The following OSBPL10 variants were observed in gnomAD, a reference collection of about 807,000 sequenced individuals.
The protein encoded by OSBPL10 is oxysterol binding protein like 10.
Under a neutral mutation model 81.7 loss-of-function variants are expected in OSBPL10, and 49 were observed. The observed-to-expected ratio is 0.60, with a 90% CI of 0.48 to 0.76. The LOEUF is 0.76. Ranked by LOEUF, OSBPL10 falls within the 30% of genes least tolerant of loss-of-function variation. OSBPL10 has a pLI of 0.00. For missense variants in OSBPL10, 923 were observed against 987.8 expected (o/e 0.93, Z 0.88); for synonymous variants, 419 against 383.6 (o/e 1.09, Z -1.08).
intron 2 of OSBPL10, among the ~76,000 whole-genome samples, chr3:31,998,119 T>C (rs2125528962): frequency 6.6e-6 from 1 of 152,288 alleles, no homozygotes; most frequent in South Asian, 2.1e-4. Flanking sequence ...AAAAATAAGA[T>C]GACAGCACCC....
At chr3:31,763,917 T>C (rs569657038) in intron 4 of OSBPL10, among the ~76,000 whole-genome samples, 54 of 152,340 alleles carry the variant, frequency 3.5e-4, no homozygotes, top group African/African-American at 1.1e-3. Flanking sequence ...AAAATTATGT[T>C]AAGGAATAAG....
intron 1 of OSBPL10, among the ~76,000 whole-genome samples, chr3:32,054,779 C>G (rs9859824): frequency 6.6e-6 from 1 of 152,084 alleles, no homozygotes; most frequent in Admixed American, 6.6e-5. Context: ...GATCCACCTG[C>G]CTCAGCCTCC....
intron 2 of OSBPL10, among the ~76,000 whole-genome samples, chr3:32,004,115 CTT>C (rs1219572417): frequency 6.6e-6 from 1 of 152,172 alleles, no homozygotes; most frequent in Admixed American, 6.5e-5. Flanking sequence ...CTAGTTTTAA[CTT>C]ATATTATTTT....
chr3:31,869,374 TTTCA>T (rs1172772997), intron 3 of OSBPL10, among the ~76,000 whole-genome samples: 3 of 152,276 alleles, frequency 2.0e-5, no homozygotes, highest in African/African-American at 4.8e-5. Context: ...AGAAGACACT[TTTCA>T]TTCAAAGTTT....
At chr3:32,041,036 C>A (rs1233951180) in intron 2 of OSBPL10, among the ~76,000 whole-genome samples, 1 of 152,112 alleles carries the variant, frequency 6.6e-6, no homozygotes, top group Non-Finnish European at 1.5e-5. Context: ...TTGCTTGAAT[C>A]AATGGCCTAG....
intron 4 of OSBPL10, among the ~76,000 whole-genome samples, chr3:31,806,316 C>G (rs1219985186): frequency 6.6e-6 from 1 of 152,236 alleles, no homozygotes; most frequent in Non-Finnish European, 1.5e-5. Context: ...CATTTTCCTA[C>G]TTGACCAACA....
rs138240925 is a variant in OSBPL10, at chr3:31,882,669, G to GCA, written c.282-2841_282-2840dup. 6.9e-3 allele frequency among the ~76,000 whole-genome samples: 1,032 copies of GCA among 150,464 alleles called. 6 individuals carry two copies. The highest frequency in any genetic ancestry group is 9.7e-3 in the Non-Finnish European group (653 of 67,464). On this transcript the variant is annotated intron_variant, in intron 1 of 11. Coordinates refer to ENST00000396556, the MANE Select transcript of OSBPL10 (RefSeq NM_017784.5). ...AATGTGAGCAGAAGTGTGCACACAC[G>GCA]CACACACACACACACACGCACTGGA...
intron 1 of OSBPL10, among the ~76,000 whole-genome samples, chr3:31,980,488 G>C (rs1367468719): frequency 6.6e-6 from 1 of 152,190 alleles, no homozygotes; most frequent in Admixed American, 6.5e-5. Flanking sequence ...CGGAGCGGAC[G>C]TGCTAACGCT....
intron 2 of OSBPL10, among the ~76,000 whole-genome samples, chr3:32,043,345 T>C (rs761959336): frequency 6.6e-6 from 1 of 152,218 alleles, no homozygotes; most frequent in Non-Finnish European, 1.5e-5. Context: ...CCTTGTTCCC[T>C]GAAAATCGCT....
chr3:31,663,475 A>C, intron 11 of OSBPL10: 5 of 991,248 alleles, frequency 5.0e-6, no homozygotes, highest in Non-Finnish European at 6.0e-6. Flanking sequence ...TCAAGAGCAT[A>C]AGGGCTTCAG....
intron 6 of OSBPL10, among the ~76,000 whole-genome samples, chr3:31,715,449 C>T (rs1054721846): frequency 7.9e-5 from 12 of 152,202 alleles, no homozygotes; most frequent in African/African-American, 2.9e-4. Context: ...GGAGCAATCC[C>T]TCCCTCCTCT....
At chr3:31,844,434 A>G (rs1031764121) in intron 3 of OSBPL10, among the ~76,000 whole-genome samples, 3 of 152,248 alleles carry the variant, frequency 2.0e-5, no homozygotes, top group Non-Finnish European at 2.9e-5. Flanking sequence ...AAATTGATAA[A>G]TGTGACAAAT....
upstream of OSBPL10, among the ~76,000 whole-genome samples, chr3:31,983,025 A>G (rs1025766301): frequency 6.6e-6 from 1 of 151,814 alleles, no homozygotes; most frequent in African/African-American, 2.4e-5. Flanking sequence ...CCGGATAAGG[A>G]CTCTCCTTAA....
Position 31,684,046 on chromosome 3 carries a change from G to A in OSBPL10, c.1314C>T (p.His438=), listed in dbSNP as rs1700729550. The A allele has an allele frequency of 4.3e-6, 7 of 1,614,250 alleles. No homozygotes were observed. The highest frequency in any genetic ancestry group is 1.3e-5 in the African/African-American group (1 of 75,058). Residue 438 remains histidine, a synonymous_variant, in exon 8 of 12, where the codon CAC becomes CAT. Transcript: ENST00000396556. Reference sequence around the variant, plus strand: ...CGGTGATGGCCAGCAGTAGGTCTGGGTGCGCCATGAAATCTGCATACATCT... The same window carrying A: ...CGGTGATGGCCAGCAGTAGGTCTGGATGCGCCATGAAATCTGCATACATCT... The part of the protein sequence containing the change: ...LLEMYADFMA[H]PDLLLAITAG...
chr3:31,981,945 T>C (rs923919002), upstream of OSBPL10: 12 of 152,270 alleles, frequency 7.9e-5, no homozygotes, highest in East Asian at 2.3e-3. This position sits in a 1 kb window ranked among gnomAD's most constrained non-coding sequence, Gnocchi z 4.5. Flanking sequence ...TTATGATAAA[T>C]GCTTAACAGA....
At chr3:31,980,861 A>T (rs766304706) in intron 1 of OSBPL10, 38 bp downstream of exon 1, 43 of 1,513,404 alleles carry the variant, frequency 2.8e-5, no homozygotes, top group Non-Finnish European at 3.6e-5. Flanking sequence ...ACACACACAC[A>T]CAGCGGCGCG....
chr3:31,996,647 A>G (rs1271010381), intron 2 of OSBPL10, among the ~76,000 whole-genome samples: 1 of 152,204 alleles, frequency 6.6e-6, no homozygotes, highest in Non-Finnish European at 1.5e-5. Context: ...TTTCAGAAAG[A>G]AGCTGTTGCC....
chr3:31,746,229 A>T (rs1697514421), intron 5 of OSBPL10, among the ~76,000 whole-genome samples: 1 of 152,170 alleles, frequency 6.6e-6, no homozygotes, highest in African/African-American at 2.4e-5. Context: ...TGTGTATTCT[A>T]GAGGTATCCT....
intron 6 of OSBPL10, among the ~76,000 whole-genome samples, chr3:31,729,131 T>C (rs1696890910): frequency 6.6e-6 from 1 of 152,202 alleles, no homozygotes; most frequent in Non-Finnish European, 1.5e-5. Context: ...TGTTTGTGAA[T>C]TACGCCTCAA....
Sources: gnomAD v4.1 joint callset for allele counts (sites outside exome capture counted in the v4.1 genomes callset) on GRCh38, gnomAD v4.1.1 for gene constraint, Gnocchi (gnomAD v3.1) non-coding constraint, MANE v1.5 for transcripts, NCBI Gene and HGNC (gene_info 2026-07-23, HGNC 2026-07-21) for gene names.